NLGN4X: variants seen among roughly 807,000 people sequenced by gnomAD.
NLGN4X encodes the protein neuroligin 4 X-linked, also known as neuroligin-4, X-linked.
Under a neutral mutation model 40.3 loss-of-function variants are expected in NLGN4X, and 3 were observed. The observed-to-expected ratio is 0.07, with a 90% CI of 0.03 to 0.19. The LOEUF (loss-of-function observed/expected upper bound fraction) is 0.19, where lower values mean the gene tolerates loss of function less well. Ranked by LOEUF, NLGN4X falls within the 10% of genes least tolerant of loss-of-function variation. NLGN4X has a pLI of 1.00. For synonymous variants in NLGN4X, 270 were observed against 306.8 expected, an observed-to-expected ratio of 0.88 and a Z score of 1.25; for missense variants, 382 against 708.3, an observed-to-expected ratio of 0.54 and a Z score of 5.23.
At chrX:6,221,095 T>TGC (rs1925641284) in intron 1 of NLGN4X, among the ~76,000 whole-genome samples, 1 of 107,152 alleles carries the variant, frequency 9.3e-6, no homozygotes, top group Non-Finnish European at 1.9e-5. Flanking sequence ...TTTATTTATT[T>TGC]ATTTATATTT....
intron 5 of NLGN4X, among the ~76,000 whole-genome samples, chrX:5,897,150 C>G (rs1398179890): frequency 8.9e-6 from 1 of 111,860 alleles, no homozygotes; most frequent in African/African-American, 3.3e-5. Flanking sequence ...ACTCTCTTCT[C>G]ATATCTGACT....
chrX:5,957,237 T>A (rs185248977), intron 3 of NLGN4X, among the ~76,000 whole-genome samples: 135 of 111,884 alleles, frequency 1.2e-3, no homozygotes, highest in Non-Finnish European at 2.1e-3. Flanking sequence ...TATTCATATG[T>A]ACCTTTTTTA....
intron 3 of NLGN4X, among the ~76,000 whole-genome samples, 177 bp downstream of exon 3, chrX:6,029,103 T>C (rs1385346781): frequency 1.8e-5 from 2 of 112,425 alleles, no homozygotes; most frequent in African/African-American, 6.5e-5. Context: ...TTCATGACCA[T>C]GTTGCACAAA....
chrX:6,076,170 TAGAG>T (rs1282037546), intron 2 of NLGN4X, among the ~76,000 whole-genome samples: 48 of 112,262 alleles, frequency 4.3e-4, no homozygotes, highest in African/African-American at 1.4e-3. Context: ...GTATCTGCAC[TAGAG>T]AAAGAAACAA....
intron 3 of NLGN4X, among the ~76,000 whole-genome samples, chrX:6,026,686 G>C (rs927926809): frequency 1.8e-5 from 2 of 111,524 alleles, no homozygotes. Context: ...TTCCACACTA[G>C]CTCATTGGAG....
chrX:5,961,443 C>G (rs991418733), intron 3 of NLGN4X, among the ~76,000 whole-genome samples: 3 of 112,037 alleles, frequency 2.7e-5, no homozygotes, highest in African/African-American at 6.5e-5. Context: ...ATAGATTTGC[C>G]TTCATCGACA....
intron 3 of NLGN4X, among the ~76,000 whole-genome samples, chrX:6,022,580 T>A (rs765229045): frequency 2.7e-5 from 3 of 112,097 alleles, no homozygotes; most frequent in African/African-American, 9.7e-5. Context: ...GAACTCCCAC[T>A]AATGTCAGAT....
intron 1 of NLGN4X, among the ~76,000 whole-genome samples, chrX:6,185,899 A>C (rs895454426): frequency 1.8e-5 from 2 of 111,585 alleles, no homozygotes; most frequent in African/African-American, 6.5e-5. Flanking sequence ...AACGCCACTG[A>C]ATCTTTCCCT....
rs755485950 is a variant in NLGN4X, at chrX:5,890,053, T to G, written c.*2764A>C. 1.4e-4 allele frequency: 31 copies of G among 214,163 alleles called. No homozygotes were observed. The highest frequency in any genetic ancestry group is 9.3e-4 in the African/African-American group (30 of 32,254). The allele number at this position is 214,163 out of a possible 1,213,427, so 17.6% of individuals were successfully genotyped here. A position where few individuals can be genotyped will look rare whatever the true frequency, so the allele number is the denominator to read the frequency against. ...ATTTGCACAAAGCATTAGAAAATAC[T>G]GTGATATTTTATTATTAAAAATGCT... On this transcript the variant is annotated 3_prime_UTR_variant, in exon 6 of 6. Transcript: ENST00000381095.
chrX:6,223,871 C>G (rs2147912481), intron 1 of NLGN4X, among the ~76,000 whole-genome samples: 1 of 112,746 alleles, frequency 8.9e-6, no homozygotes, highest in South Asian at 3.6e-4. Flanking sequence ...AAATAGGAGA[C>G]GAAGTCTCTC....
At chrX:6,218,971 G>A (rs1208254673) in intron 1 of NLGN4X, among the ~76,000 whole-genome samples, 9 of 62,825 alleles carry the variant, frequency 1.4e-4, no homozygotes, top group Non-Finnish European at 2.1e-4. Flanking sequence ...CTTCAAGAAA[G>A]AATCCCTGAT....
chrX:6,087,884 C>A (rs1223831407), intron 2 of NLGN4X, among the ~76,000 whole-genome samples: 1 of 112,082 alleles, frequency 8.9e-6, no homozygotes, highest in Non-Finnish European at 1.9e-5. Context: ...GAGTTCTAAG[C>A]CTTTCTTTCT....
intron 1 of NLGN4X, among the ~76,000 whole-genome samples, chrX:6,213,610 T>C (rs976955030): frequency 8.9e-6 from 1 of 112,372 alleles, no homozygotes. Context: ...GAAACTATCC[T>C]AAAATTTTTA....
intron 3 of NLGN4X, among the ~76,000 whole-genome samples, chrX:6,026,906 G>A (rs1263478525): frequency 9.5e-6 from 1 of 105,640 alleles, no homozygotes; most frequent in African/African-American, 3.8e-5. Flanking sequence ...TTCACGAAGG[G>A]ACAAAACTGA....
intron 3 of NLGN4X, among the ~76,000 whole-genome samples, chrX:5,975,477 G>C (rs1171790652): frequency 1.8e-5 from 2 of 109,718 alleles, no homozygotes; most frequent in Non-Finnish European, 3.8e-5. Flanking sequence ...GCCAGGCATA[G>C]TGGTGGGTGC....
At chrX:5,926,155 T>C (rs2033309893) in intron 3 of NLGN4X, among the ~76,000 whole-genome samples, 1 of 104,909 alleles carries the variant, frequency 9.5e-6, no homozygotes, top group Non-Finnish European at 1.9e-5. Flanking sequence ...TATAAGGGAT[T>C]TCCCCTTTCA....
intron 3 of NLGN4X, among the ~76,000 whole-genome samples, chrX:5,990,077 CCTCTCTCTCTCTCTCTCT>C (rs71839664): frequency 3.6e-5 from 3 of 83,698 alleles, no homozygotes; most frequent in African/African-American, 9.0e-5. Flanking sequence ...TCTCTATTTT[CCTCTCTCTCTCTCTCTCT>C]CTCTCTCTCT....
chrX:6,223,514 T>C (rs1291484461), intron 1 of NLGN4X, among the ~76,000 whole-genome samples: 1 of 112,687 alleles, frequency 8.9e-6, no homozygotes, highest in African/African-American at 3.2e-5. Context: ...CTAGGAGCTA[T>C]CACCTTCTTT....
chrX:5,901,002 T>G (rs915102828), intron 5 of NLGN4X, among the ~76,000 whole-genome samples: 37 of 112,199 alleles, frequency 3.3e-4, no homozygotes, highest in African/African-American at 1.2e-3. Context: ...AACCGTTGAG[T>G]GATAGACAAG....
Sources: gnomAD v4.1 joint callset for allele counts (sites outside exome capture counted in the v4.1 genomes callset) on GRCh38, gnomAD v4.1.1 for gene constraint, MANE v1.5 for transcripts, NCBI Gene and HGNC (gene_info 2026-07-23, HGNC 2026-07-21) for gene names.